ZGRF1: variants seen among roughly 807,000 people sequenced by gnomAD.
The protein encoded by ZGRF1 is zinc finger GRF-type containing 1.
Under a neutral mutation model 203.5 loss-of-function variants are expected in ZGRF1, and 196 were observed. That is an observed-to-expected ratio of 0.96 (90% CI 0.86 to 1.08). The LOEUF (loss-of-function observed/expected upper bound fraction) is 1.08, where lower values mean the gene tolerates loss of function less well. Ranked by LOEUF, ZGRF1 falls within the 50% of genes least tolerant of loss-of-function variation. The probability of loss-of-function intolerance (pLI) is 0.00; values close to 1 mark genes in which losing one functional copy is unlikely to be tolerated. For synonymous variants in ZGRF1, 809 were observed against 841.3 expected (o/e 0.96, Z 0.66); for missense variants, 2,326 against 2,416.3 (o/e 0.96, Z 0.78).
Position 112,554,758 on chromosome 4 carries a change from G to A in ZGRF1, c.5145C>T (p.Asn1715=). The change falls in exon 21 of 28, where the codon AAC becomes AAT. Residue 1715 remains asparagine, a synonymous_variant. Coordinates refer to ENST00000505019, the MANE Select transcript of ZGRF1 (RefSeq NM_018392.5). ...TCCTAACACTCCCAACTCTGATAAAGTTTTCAAATCCAAGACTGAGAAGCC... is the reference window on the plus strand; with the variant it reads ...TCCTAACACTCCCAACTCTGATAAAATTTTCAAATCCAAGACTGAGAAGCC... ...LLGLLSLGFE[N]FIRVGSVRKI... is the part of the protein sequence containing the mutation. 6.5e-7 allele frequency: 1 copy of A among 1,540,828 alleles called. No homozygotes were observed.
chr4:112,599,609 C>G (rs556297577), intron 10 of ZGRF1, among the ~76,000 whole-genome samples: 186 of 151,370 alleles, frequency 1.2e-3, no homozygotes, highest in African/African-American at 4.3e-3. Context: ...ACAGTCTCAG[C>G]TACTTGGGAG....
intron 20 of ZGRF1, among the ~76,000 whole-genome samples, chr4:112,557,155 ATTTTAGCCTACTTCTTCTTC>A (rs1479427116): frequency 1.3e-5 from 2 of 151,542 alleles, no homozygotes; most frequent in Non-Finnish European, 2.9e-5. Flanking sequence ...CTGGAATTTG[ATTTTAGCCTACTTCTTCTTC>A]TTTTTTTTTT....
chr4:112,613,069 A>C (rs1196536088), intron 6 of ZGRF1, among the ~76,000 whole-genome samples: 1 of 152,186 alleles, frequency 6.6e-6, no homozygotes, highest in Admixed American at 6.5e-5. Context: ...CAAGGCAGGC[A>C]GATCACTTGA....
At position 112,618,148 on chromosome 4, in the gene ZGRF1, CTG is replaced by C; in HGVS notation, c.1892_1893del (p.Thr631ArgfsTer8). 2.5e-6 allele frequency: 4 copies of C among 1,613,762 alleles called. No individual in the cohort carries two copies. The South Asian group carries it at 3.3e-5, about 13-fold the overall frequency. On this transcript the variant is annotated frameshift_variant, in exon 6 of 28. Coordinates refer to ENST00000505019, the MANE Select transcript of ZGRF1 (RefSeq NM_018392.5). LOFTEE classifies it high-confidence loss of function. ...FDMGICKTENTGKEIEEYSDT... is the reference protein window; with the variant it reads ...FDMGICKTENXGKEIEEYSDT... ...TCACTATACTCCTCTATTTCTTTTCCTGTGTTTTCAGTTTTACATATTCCCAT... is the reference window on the plus strand; with the variant it reads ...TCACTATACTCCTCTATTTCTTTTCCTGTTTTCAGTTTTACATATTCCCAT...
At position 112,618,075 on chromosome 4, in the gene ZGRF1, C is replaced by A. The variant is rs759794658; in HGVS notation, c.1967G>T (p.Gly656Val). The change falls in exon 6 of 28, where the codon GGA (glycine) becomes GTA (valine). Residue 656 changes from glycine to valine, a missense_variant. Transcript: ENST00000505019. ...ESFKWTDAVY[G>V]DNKEDANKPI... ...TTTATTAGCATCTTCTTTATTATCTCCGTATACAGCATCAGTCCACTTGAA... is the reference window on the plus strand; with the variant it reads ...TTTATTAGCATCTTCTTTATTATCTACGTATACAGCATCAGTCCACTTGAA... 2 of 1,613,834 alleles carry A rather than the reference C, an allele frequency of 1.2e-6. No individual in the cohort carries two copies.
chr4:112,565,067 G>C (rs939571819), intron 16 of ZGRF1: 51 of 1,243,928 alleles, frequency 4.1e-5, no homozygotes, highest in Middle Eastern at 1.9e-4. Context: ...AAAGCCGCTC[G>C]CAAGAGTGTG....
intron 5 of ZGRF1, 49 bp downstream of exon 5, chr4:112,619,953 C>G: frequency 7.1e-7 from 1 of 1,402,726 alleles, no homozygotes; most frequent in Non-Finnish European, 9.5e-7. Flanking sequence ...CTTTTCGAGA[C>G]AATTTTATAA....
chr4:112,580,917 C>T (rs1177106918), intron 16 of ZGRF1, among the ~76,000 whole-genome samples: 1 of 152,134 alleles, frequency 6.6e-6, no homozygotes, highest in South Asian at 2.1e-4. Flanking sequence ...ACCCAGCCAT[C>T]CCATTACTGG....
At chr4:112,550,061 C>T (rs552673962) in intron 22 of ZGRF1, among the ~76,000 whole-genome samples, 3 of 151,976 alleles carry the variant, frequency 2.0e-5, no homozygotes, top group East Asian at 1.9e-4. Flanking sequence ...GGCGTGGTGG[C>T]GGTGCCTGTA....
At chr4:112,548,138 G>A (rs1033415606) in intron 23 of ZGRF1, 115 bp downstream of exon 23, 18 of 819,520 alleles carry the variant, frequency 2.2e-5, no homozygotes, top group South Asian at 4.6e-5. Context: ...ATGGGGATTC[G>A]CCATGTTGTC....
chr4:112,620,378 C>A (rs1417040191), intron 4 of ZGRF1, among the ~76,000 whole-genome samples, 188 bp from the exon 5 acceptor site: 1 of 152,096 alleles, frequency 6.6e-6, no homozygotes, highest in Non-Finnish European at 1.5e-5. Flanking sequence ...CAAAAAAGGA[C>A]AATAATATAA....
chr4:112,605,234 C>T (rs187722146), intron 9 of ZGRF1, among the ~76,000 whole-genome samples: 3 of 152,022 alleles, frequency 2.0e-5, no homozygotes, highest in Non-Finnish European at 4.4e-5. Context: ...AATGTTGGCT[C>T]GCTGCAACCT....
At chr4:112,621,738 T>TC (rs2047067802) in intron 4 of ZGRF1, among the ~76,000 whole-genome samples, 1 of 151,478 alleles carries the variant, frequency 6.6e-6, no homozygotes, top group Non-Finnish European at 1.5e-5. Context: ...ATGATTTTTT[T>TC]TTCTTTGAGA....
chr4:112,551,165 CCAT>C (rs1162288603), intron 22 of ZGRF1, among the ~76,000 whole-genome samples: 2 of 152,142 alleles, frequency 1.3e-5, no homozygotes, highest in African/African-American at 4.8e-5. Flanking sequence ...AGAAATACCA[CCAT>C]GTTACAATTA....
Position 112,539,998 on chromosome 4 carries a change from G to C in ZGRF1, c.6037C>G (p.Gln2013Glu), listed in dbSNP as rs764458171. Residue 2013 changes from glutamine (Q) to glutamate (E), a missense_variant, in exon 27 of 28, where the codon CAA becomes GAA. Transcript: ENST00000505019. ...IIILSCVRTR[Q>E]VGFIDSEKRM... is the part of the protein sequence containing the mutation. Reference sequence around the variant, plus strand: ...TTTTCTGAATCAATGAATCCTACTTGTCTTGTCCTTACACAGGACAGAATA... The same window carrying C: ...TTTTCTGAATCAATGAATCCTACTTCTCTTGTCCTTACACAGGACAGAATA... The C allele has an allele frequency of 6.2e-7, 1 of 1,613,546 alleles. No individual in the cohort carries two copies. The highest frequency in any genetic ancestry group is 8.5e-7 in the Non-Finnish European group (1 of 1,179,718).
At chr4:112,553,267 C>T (rs1740294939) in intron 22 of ZGRF1, among the ~76,000 whole-genome samples, 1 of 152,180 alleles carries the variant, frequency 6.6e-6, no homozygotes, top group South Asian at 2.1e-4. Flanking sequence ...AGCTGATGCC[C>T]AGGCTTCCCT....
chr4:112,636,808 C>G (rs973542471), intron 1 of ZGRF1, 43 bp downstream of exon 1: 1 of 152,186 alleles, frequency 6.6e-6, no homozygotes, highest in Non-Finnish European at 1.5e-5. Context: ...CCCCAAATCG[C>G]TCAAGTCATT....
intron 15 of ZGRF1, among the ~76,000 whole-genome samples, chr4:112,582,683 C>T (rs1271514529): frequency 6.6e-6 from 1 of 152,150 alleles, no homozygotes. Flanking sequence ...TGGTCTGGTA[C>T]TCCTGTGTTC....
intron 3 of ZGRF1, chr4:112,628,697 T>C (rs1272663357): frequency 8.8e-6 from 4 of 455,838 alleles, no homozygotes; most frequent in African/African-American, 8.0e-5. Context: ...AGATATATAA[T>C]GGGCACTCAA....
Sources: allele counts gnomAD v4.1 joint callset (sites outside exome capture counted in the v4.1 genomes callset), GRCh38; gene constraint gnomAD v4.1.1; transcripts MANE v1.5; gene names NCBI Gene and HGNC (gene_info 2026-07-23, HGNC 2026-07-21).